CDH2: variants seen among roughly 807,000 people sequenced by gnomAD.
CDH2 encodes the protein cadherin-2.
Under a neutral mutation model 92.0 loss-of-function variants are expected in CDH2, and 17 were observed. That is an observed-to-expected ratio of 0.18 (90% CI 0.13 to 0.28). The LOEUF (loss-of-function observed/expected upper bound fraction) is 0.28, where lower values mean the gene tolerates loss of function less well. Among genes scored for constraint, CDH2 ranks in the 10% least tolerant of loss-of-function variants. The pLI is 1.00. For synonymous variants in CDH2, 419 were observed against 415.9 expected (o/e 1.01, Z -0.09); for missense variants, 862 against 1,133.1 (o/e 0.76, Z 3.44).
chr18:28,126,162 G>A (rs575395704), intron 2 of CDH2, among the ~76,000 whole-genome samples: 111 of 152,192 alleles, frequency 7.3e-4, no homozygotes, highest in African/African-American at 2.2e-3. Flanking sequence ...TTTGAAGACT[G>A]CTATCATTAT....
chr18:28,110,848 G>A (rs746528830), intron 2 of CDH2, among the ~76,000 whole-genome samples: 7 of 152,066 alleles, frequency 4.6e-5, no homozygotes, highest in Admixed American at 2.0e-4. Flanking sequence ...GGACAAAGAT[G>A]GCTATAGAAC....
intron 6 of CDH2, among the ~76,000 whole-genome samples, chr18:27,941,414 CT>C (rs1171661460): frequency 2.0e-5 from 3 of 152,112 alleles, no homozygotes; most frequent in African/African-American, 7.2e-5. Flanking sequence ...TTTATACAGC[CT>C]TTTCCAGTTT....
intron 2 of CDH2, among the ~76,000 whole-genome samples, chr18:28,114,110 T>C (rs2015456710): frequency 6.6e-6 from 1 of 152,008 alleles, no homozygotes. Context: ...ATTACGACTA[T>C]ATAGGAGGAA....
intron 9 of CDH2, 57 bp from the exon 10 acceptor site, chr18:27,990,407 T>C (rs2143969198): frequency 4.0e-6 from 6 of 1,499,440 alleles, no homozygotes; most frequent in Non-Finnish European, 3.6e-6. Flanking sequence ...TTGCATTCTG[T>C]AGTTTATTCC....
At chr18:28,019,394 A>G (rs557868754) in intron 2 of CDH2, among the ~76,000 whole-genome samples, 1 of 148,832 alleles carries the variant, frequency 6.7e-6, no homozygotes, top group East Asian at 1.9e-4. Flanking sequence ...AAAAGAAAAG[A>G]AAAAGAGAAA....
rs774735339 is a variant in CDH2, at chr18:27,952,055, T to C, written c.*98A>G. ...CCAAAGCCTCCAGCAAGCACTGTGC[T>C]AGTAGACTACAAAGTTAAAGCCTAG... On this transcript the variant is annotated 3_prime_UTR_variant, in exon 16 of 16. Transcript: ENST00000269141. 10 of 1,062,808 alleles carry C rather than the reference T, an allele frequency of 9.4e-6. No individual in the cohort carries two copies. Among genetic ancestry groups the C allele is most frequent in the Non-Finnish European group, 1.4e-5 (10 of 689,682 alleles). 65.8% of individuals were successfully genotyped at this position (1,062,808 alleles called of 1,614,324 possible).
intron 2 of CDH2, among the ~76,000 whole-genome samples, chr18:28,030,662 C>CAGGA (rs977394140): frequency 2.2e-4 from 34 of 152,036 alleles, no homozygotes; most frequent in African/African-American, 8.0e-4. Context: ...GAAGCTGGTA[C>CAGGA]AGCAGCTAGG....
intron 13 of CDH2, among the ~76,000 whole-genome samples, chr18:27,983,460 A>T (rs2012125871): frequency 6.6e-6 from 1 of 152,230 alleles, no homozygotes; most frequent in African/African-American, 2.4e-5. Context: ...AAACAGCAGT[A>T]AGGTGTTACT....
At chr18:28,137,225 A>C (rs11083251) in intron 2 of CDH2, among the ~76,000 whole-genome samples, 72,337 of 152,020 alleles carry the variant, frequency 0.48, 17,852 homozygotes, top group Middle Eastern at 0.55. Context: ...CTCAGGGAGG[A>C]GCAGCAGAGA....
chr18:27,991,645 G>A (rs561245740), intron 9 of CDH2, among the ~76,000 whole-genome samples: 10 of 152,158 alleles, frequency 6.6e-5, no homozygotes, highest in Non-Finnish European at 1.2e-4. Context: ...ATTTACAGTG[G>A]TTAAATAGTT....
chr18:28,171,434 C>T (rs1483311352), intron 1 of CDH2, among the ~76,000 whole-genome samples: 1 of 151,966 alleles, frequency 6.6e-6, no homozygotes, highest in African/African-American at 2.4e-5. Context: ...CATTTTAAGC[C>T]TAAAAATAAT....
At chr18:27,956,521 T>C (rs1190615565) in intron 15 of CDH2, among the ~76,000 whole-genome samples, 2 of 152,320 alleles carry the variant, frequency 1.3e-5, no homozygotes, top group Non-Finnish European at 1.5e-5. Flanking sequence ...ACATTCTGTC[T>C]TCTACAGTCC....
At chr18:28,109,976 A>G (rs946494624) in intron 2 of CDH2, among the ~76,000 whole-genome samples, 1 of 152,134 alleles carries the variant, frequency 6.6e-6, no homozygotes, top group African/African-American at 2.4e-5. Context: ...ATACTTTTGG[A>G]GAAAATCACT....
chr18:28,117,137 G>C (rs2015507759), intron 2 of CDH2, among the ~76,000 whole-genome samples: 1 of 151,930 alleles, frequency 6.6e-6, no homozygotes, highest in Non-Finnish European at 1.5e-5. Flanking sequence ...AATTAAAATT[G>C]CTGCCACAAA....
chr18:28,157,712 AAT>A (rs2016242215), intron 1 of CDH2, among the ~76,000 whole-genome samples: 1 of 152,170 alleles, frequency 6.6e-6, no homozygotes, highest in Non-Finnish European at 1.5e-5. Flanking sequence ...TTTCTCCTAA[AAT>A]ATGATTCTCG....
At chr18:28,056,255 G>C (rs1177600875) in intron 2 of CDH2, among the ~76,000 whole-genome samples, 3 of 152,156 alleles carry the variant, frequency 2.0e-5, no homozygotes, top group Non-Finnish European at 2.9e-5. Context: ...AATTAGAATG[G>C]AATTATTTGT....
At chr18:27,941,659 AATG>A (rs796619286) in intron 6 of CDH2, among the ~76,000 whole-genome samples, 1 of 152,326 alleles carries the variant, frequency 6.6e-6, no homozygotes, top group South Asian at 2.1e-4. Context: ...GTTTAAGAGG[AATG>A]ATACTATTAA....
chr18:28,125,535 G>T (rs1226463673), intron 2 of CDH2, among the ~76,000 whole-genome samples: 1 of 151,986 alleles, frequency 6.6e-6, no homozygotes, highest in Non-Finnish European at 1.5e-5. Context: ...CTATGAGAAT[G>T]GACTTATCCA....
intron 9 of CDH2, 86 bp from the exon 10 acceptor site, chr18:27,990,436 A>G (rs1316841559): frequency 1.5e-6 from 2 of 1,308,722 alleles, no homozygotes; most frequent in African/African-American, 1.5e-5. Context: ...CTCCATTTCC[A>G]AAAAATTAAT....
Sources: allele counts gnomAD v4.1 joint callset (sites outside exome capture counted in the v4.1 genomes callset), GRCh38; gene constraint gnomAD v4.1.1; transcripts MANE v1.5; gene names NCBI Gene and HGNC (gene_info 2026-07-23, HGNC 2026-07-21).